CDH13: variants seen among roughly 807,000 people sequenced by gnomAD.
CDH13 encodes cadherin-13.
Under a neutral mutation model 63.8 loss-of-function variants are expected in CDH13, and 24 were observed. That is an observed-to-expected ratio of 0.38 (90% CI 0.27 to 0.53). The LOEUF is 0.53. CDH13 is among the 20% of genes least tolerant of loss of function. The probability of loss-of-function intolerance (pLI) is 0.85; values close to 1 mark genes in which losing one functional copy is unlikely to be tolerated. For missense variants in CDH13, 1,049 were observed against 903.1 expected (o/e 1.16, Z -2.07); for synonymous variants, 503 against 355.3 (o/e 1.42, Z -4.67).
chr16:82,663,539 A>G (rs1262800020), intron 1 of CDH13, among the ~76,000 whole-genome samples: 1 of 152,132 alleles, frequency 6.6e-6, no homozygotes, highest in African/African-American at 2.4e-5. Context: ...TCCCCTAGAA[A>G]TTCACTGACC....
chr16:83,134,977 C>G (rs541289214), intron 4 of CDH13, among the ~76,000 whole-genome samples: 1 of 152,338 alleles, frequency 6.6e-6, no homozygotes, highest in Middle Eastern at 3.4e-3. Context: ...TTATGAACAT[C>G]TGGCCTCAGA....
At chr16:83,488,302 G>C (rs2073939178) in intron 7 of CDH13, among the ~76,000 whole-genome samples, 1 of 152,098 alleles carries the variant, frequency 6.6e-6, no homozygotes, top group African/African-American at 2.4e-5. Context: ...GTGGTCATAT[G>C]CATGTTTATA....
intron 6 of CDH13, among the ~76,000 whole-genome samples, chr16:83,368,853 C>T (rs867142507): frequency 3.3e-5 from 4 of 121,828 alleles, no homozygotes; most frequent in Non-Finnish European, 5.2e-5. Context: ...TTATTTCATT[C>T]TTTTTTATGG....
chr16:82,704,979 G>A (rs1039942084), intron 1 of CDH13: 1 of 357,688 alleles, frequency 2.8e-6, no homozygotes, highest in Non-Finnish European at 5.5e-6. Context: ...AATGTCTCTT[G>A]CTGCTGCCTC....
intron 2 of CDH13, among the ~76,000 whole-genome samples, chr16:82,943,121 T>C (rs570150109): frequency 1.3e-5 from 2 of 152,358 alleles, no homozygotes; most frequent in Admixed American, 6.5e-5. Context: ...CATTTAATTA[T>C]ATATTTGATT....
chr16:83,071,896 T>C lies in CDH13; in HGVS notation c.366+39678T>C, dbSNP rs374750636. Among the ~76,000 whole-genome samples the C allele has an allele frequency of 5.7e-3, 863 of 152,308 alleles. 6 individuals are homozygous for C. The highest frequency in any genetic ancestry group is 9.0e-3 in the Admixed American group (138 of 15,290). On this transcript the variant is annotated intron_variant, in intron 3 of 13. Coordinates refer to ENST00000567109, the MANE Select transcript of CDH13 (RefSeq NM_001257.5). ...AGATTATAAGTAAAATACACAGAAT[T>C]GATTCTATGCTCCATCATCTATGTG...
At chr16:83,460,055 T>G (rs2151522644) in intron 6 of CDH13, among the ~76,000 whole-genome samples, 1 of 151,982 alleles carries the variant, frequency 6.6e-6, no homozygotes, top group Admixed American at 6.6e-5. Context: ...ACTTCTAAAC[T>G]CAATAAGATA....
chr16:82,687,869 G>T (rs1915239734), intron 1 of CDH13, among the ~76,000 whole-genome samples: 1 of 152,068 alleles, frequency 6.6e-6, no homozygotes, highest in Admixed American at 6.5e-5. Flanking sequence ...CAGAGCCAGG[G>T]CAAACCGTCA....
intron 7 of CDH13, among the ~76,000 whole-genome samples, chr16:83,529,452 C>T (rs924380777): frequency 6.6e-6 from 1 of 152,140 alleles, no homozygotes; most frequent in Non-Finnish European, 1.5e-5. Context: ...ATTCACACTA[C>T]ACTGTACTAC....
chr16:83,294,044 C>G (rs1597683752), intron 5 of CDH13, among the ~76,000 whole-genome samples: 1 of 152,134 alleles, frequency 6.6e-6, no homozygotes, highest in Admixed American at 6.6e-5. Flanking sequence ...TCAAGGATTC[C>G]AAGCCAAGGA....
At chr16:83,020,932 G>A (rs929609136) in intron 2 of CDH13, among the ~76,000 whole-genome samples, 1 of 152,236 alleles carries the variant, frequency 6.6e-6, no homozygotes, top group Non-Finnish European at 1.5e-5. Flanking sequence ...CACCCTGAAA[G>A]TTGCAGTGGA....
chr16:83,785,528 A>G (rs1915822601), intron 13 of CDH13, among the ~76,000 whole-genome samples: 1 of 152,240 alleles, frequency 6.6e-6, no homozygotes, highest in South Asian at 2.1e-4. Flanking sequence ...ATGAATTTAT[A>G]GCAACACATT....
chr16:83,560,902 C>T (rs1025556726), intron 7 of CDH13, among the ~76,000 whole-genome samples: 2 of 151,864 alleles, frequency 1.3e-5, no homozygotes, highest in Non-Finnish European at 2.9e-5. Context: ...AAGGTTGGCC[C>T]CCCCCCCGCC....
At chr16:83,293,583 G>T (rs890339633) in intron 5 of CDH13, among the ~76,000 whole-genome samples, 3 of 152,072 alleles carry the variant, frequency 2.0e-5, no homozygotes, top group Non-Finnish European at 4.4e-5. Context: ...TTCTATCTCA[G>T]GGATAGTATT....
At chr16:83,754,954 G>C (rs1913387077) in intron 11 of CDH13, among the ~76,000 whole-genome samples, 1 of 152,024 alleles carries the variant, frequency 6.6e-6, no homozygotes, top group Admixed American at 6.6e-5. Flanking sequence ...CCAATTTACA[G>C]TTTTATAAAA....
chr16:82,858,815 C>T lies in CDH13; in HGVS notation c.157+342C>T, dbSNP rs149267594. 3.7e-4 allele frequency: 135 copies of T among 366,118 alleles called. No homozygotes were observed. In the East Asian group the frequency reaches 4.6e-3, roughly 12 times the overall value. The allele number at this position is 366,118 out of a possible 1,614,324, so 22.7% of individuals were successfully genotyped here. ...AGATCCCCAAAATCAAAATCATTGC[C>T]TTCTCGCAGATTGCTGTTCTACCTG... On this transcript the variant is annotated intron_variant, in intron 2 of 13. Transcript: ENST00000567109.
At chr16:82,870,399 C>A (rs1238094718) in intron 2 of CDH13, among the ~76,000 whole-genome samples, 1 of 152,026 alleles carries the variant, frequency 6.6e-6, no homozygotes, top group African/African-American at 2.4e-5. Flanking sequence ...CTATGCAGAA[C>A]ACTATGGATG....
chr16:83,696,917 A>G (rs1032000997), intron 10 of CDH13, among the ~76,000 whole-genome samples: 2 of 152,068 alleles, frequency 1.3e-5, no homozygotes, highest in African/African-American at 4.8e-5. Flanking sequence ...AGTAAAACCC[A>G]GACCCCCTGC....
chr16:83,494,286 A>G (rs1027286965), intron 7 of CDH13, among the ~76,000 whole-genome samples: 1 of 152,162 alleles, frequency 6.6e-6, no homozygotes, highest in Non-Finnish European at 1.5e-5. Flanking sequence ...CATTTTTGGA[A>G]AAAGTTCTTT....
Sources: allele counts gnomAD v4.1 joint callset (sites outside exome capture counted in the v4.1 genomes callset), GRCh38; gene constraint gnomAD v4.1.1; transcripts MANE v1.5; gene names NCBI Gene and HGNC (gene_info 2026-07-23, HGNC 2026-07-21).